The following CLIC4 variants were observed in gnomAD, a reference collection of about 807,000 sequenced individuals.
The protein encoded by CLIC4 is chloride intracellular channel protein 4.
A neutral mutation model predicts 24.6 loss-of-function variants in CLIC4; 13 were observed. The observed-to-expected ratio is 0.53, with a 90% CI of 0.34 to 0.84. CLIC4 has a LOEUF of 0.84. Ranked by LOEUF, CLIC4 falls within the 40% of genes least tolerant of loss-of-function variation. CLIC4 has a pLI of 0.01. For synonymous variants in CLIC4, 104 were observed against 111.3 expected (o/e 0.93, Z 0.41); for missense variants, 227 against 301.7 (o/e 0.75, Z 1.83).
At chr1:24,763,533 C>CA (rs33955013) in intron 1 of CLIC4, among the ~76,000 whole-genome samples, 27,462 of 78,776 alleles carry the variant, frequency 0.35, 5,130 homozygotes, top group Middle Eastern at 0.39. Context: ...ACTCCGTCTC[C>CA]AAAAAAAAAA....
At chr1:24,799,728 G>A (rs1264646382) in intron 2 of CLIC4, among the ~76,000 whole-genome samples, 1 of 136,186 alleles carries the variant, frequency 7.3e-6, no homozygotes, top group Non-Finnish European at 1.6e-5. Flanking sequence ...CCGGCCAGCC[G>A]CCCCGTCCGG....
rs529126550 is a variant in CLIC4, at chr1:24,823,730, C to T, written c.309-3280C>T. Among the ~76,000 whole-genome samples, 5 of 149,128 alleles carry T rather than the reference C, an allele frequency of 3.4e-5. No homozygotes were observed. In the South Asian group the frequency reaches 8.5e-4, roughly 25 times the overall value. On this transcript the variant is annotated intron_variant, in intron 3 of 5. Transcript: ENST00000374379. ...CGGAGGTTGCAGTGAGCGGAGATTG[C>T]GCCACTGTACTCTAGCCTGGACAAT...
chr1:24,762,283 G>C (rs539980180), intron 1 of CLIC4, among the ~76,000 whole-genome samples: 3 of 152,080 alleles, frequency 2.0e-5, no homozygotes, highest in African/African-American at 7.2e-5. Context: ...TCAGCTGGGC[G>C]TGATGTCACA....
At chr1:24,781,081 C>A (rs1475353431) in intron 1 of CLIC4, among the ~76,000 whole-genome samples, 1 of 132,740 alleles carries the variant, frequency 7.5e-6, no homozygotes, top group Non-Finnish European at 1.6e-5. Flanking sequence ...GAGTGAAACT[C>A]CATCTCAAAA....
intron 1 of CLIC4, among the ~76,000 whole-genome samples, chr1:24,778,271 C>T (rs375795972): frequency 6.6e-6 from 1 of 152,282 alleles, no homozygotes; most frequent in East Asian, 1.9e-4. Flanking sequence ...TTGAGCTTCT[C>T]TGAACCTCAG....
intron 4 of CLIC4, among the ~76,000 whole-genome samples, chr1:24,827,543 T>TG (rs1491559309): frequency 0.063 from 33 of 522 alleles, no homozygotes; most frequent in African/African-American, 0.073. Flanking sequence ...CAGTCTGAGG[T>TG]TTTTTTTTTT....
intron 1 of CLIC4, among the ~76,000 whole-genome samples, chr1:24,784,003 A>ATTT: frequency 7.7e-6 from 1 of 130,260 alleles, no homozygotes. Flanking sequence ...TCCAGTTTTG[A>ATTT]TTTTTTTTTT....
chr1:24,805,638 C>A (rs1190455143), intron 2 of CLIC4, among the ~76,000 whole-genome samples: 4 of 151,988 alleles, frequency 2.6e-5, no homozygotes, highest in Non-Finnish European at 5.9e-5. Context: ...GGCCTACATA[C>A]CTAGTACTTT....
intron 2 of CLIC4, among the ~76,000 whole-genome samples, chr1:24,807,179 T>C (rs989436628): frequency 6.6e-6 from 1 of 151,854 alleles, no homozygotes. Context: ...AGAATCTTTC[T>C]GTTTAGAGAG....
intron 3 of CLIC4, among the ~76,000 whole-genome samples, chr1:24,822,440 C>G (rs1374067160): frequency 6.8e-6 from 1 of 146,580 alleles, no homozygotes; most frequent in African/African-American, 2.6e-5. Context: ...CCTCCACTTG[C>G]CAGGTTGAAG....
At chr1:24,767,723 T>C (rs560409837) in intron 1 of CLIC4, among the ~76,000 whole-genome samples, 133 of 152,194 alleles carry the variant, frequency 8.7e-4, no homozygotes, top group Non-Finnish European at 1.6e-3. Flanking sequence ...TTTTTCTTTT[T>C]TTCCTCTCTC....
At chr1:24,821,143 C>T (rs569874737) in intron 3 of CLIC4, among the ~76,000 whole-genome samples, 15 of 152,048 alleles carry the variant, frequency 9.9e-5, no homozygotes, top group East Asian at 3.9e-4. Flanking sequence ...TGAGATCATG[C>T]CACTGCATTC....
intron 2 of CLIC4, among the ~76,000 whole-genome samples, chr1:24,805,718 C>T (rs1639543479): frequency 6.6e-6 from 1 of 152,182 alleles, no homozygotes; most frequent in Admixed American, 6.5e-5. Flanking sequence ...TGTTCTCTAG[C>T]TATGCTGCAC....
intron 1 of CLIC4, among the ~76,000 whole-genome samples, chr1:24,753,740 C>G (rs1638808086): frequency 6.6e-6 from 1 of 152,080 alleles, no homozygotes; most frequent in South Asian, 2.1e-4. Context: ...CCCACACTTT[C>G]CTGTGTTTTT....
intron 1 of CLIC4, among the ~76,000 whole-genome samples, chr1:24,784,632 G>A (rs1396046298): frequency 6.6e-6 from 1 of 152,176 alleles, no homozygotes; most frequent in Non-Finnish European, 1.5e-5. Flanking sequence ...TATCTGAAGA[G>A]CAGATTTCAT....
At chr1:24,816,818 G>A (rs1341226336) in intron 3 of CLIC4, among the ~76,000 whole-genome samples, 1 of 152,054 alleles carries the variant, frequency 6.6e-6, no homozygotes, top group Non-Finnish European at 1.5e-5. Context: ...TTTTTTTCCT[G>A]GGCAGTGGGT....
chr1:24,771,853 T>C (rs761444342), intron 1 of CLIC4: 8 of 514,818 alleles, frequency 1.6e-5, no homozygotes, highest in Non-Finnish European at 3.1e-5. Flanking sequence ...TCAAGTCCTA[T>C]GTGTATCCTA....
chr1:24,762,410 ACTCT>A (rs919439567), intron 1 of CLIC4, among the ~76,000 whole-genome samples: 2 of 152,052 alleles, frequency 1.3e-5, no homozygotes, highest in Non-Finnish European at 2.9e-5. Flanking sequence ...ACGGAGTGAG[ACTCT>A]CTCTAAAGAA....
At chr1:24,762,535 C>A (rs1638940801) in intron 1 of CLIC4, among the ~76,000 whole-genome samples, 1 of 152,034 alleles carries the variant, frequency 6.6e-6, no homozygotes, top group Admixed American at 6.6e-5. Flanking sequence ...GGAGGAGAAG[C>A]TAGACAAGGA....
Sources: allele counts gnomAD v4.1 joint callset (sites outside exome capture counted in the v4.1 genomes callset), GRCh38; gene constraint gnomAD v4.1.1; transcripts MANE v1.5; gene names NCBI Gene and HGNC (gene_info 2026-07-23, HGNC 2026-07-21).